Variants in SCGB2B2 observed in about 807,000 individuals in gnomAD.
SCGB2B2 encodes the protein secretoglobin family 2B member 2.
In SCGB2B2, 11 loss-of-function variants were observed where a neutral mutation model predicts 7.6. That is an observed-to-expected ratio of 1.45 (90% CI 0.91 to 2.40). The LOEUF is 2.40. Ranked by LOEUF, SCGB2B2 falls within the 30% of genes most tolerant of loss-of-function variation. The pLI is 0.00. For synonymous variants in SCGB2B2, 50 were observed against 48.6 expected (o/e 1.03, Z -0.12); for missense variants, 104 against 115.4 (o/e 0.90, Z 0.45).
chr19:34,673,234 T>C (rs2067844731), intron 1 of SCGB2B2, among the ~76,000 whole-genome samples: 1 of 152,206 alleles, frequency 6.6e-6, no homozygotes, highest in Non-Finnish European at 1.5e-5. Flanking sequence ...TATTGCTCTC[T>C]CTCTCTGCTT....
rs186965943 is a variant in SCGB2B2, at chr19:34,595,112, T to A, written c.-549A>T. ...AGTAAAACACAGAACCTAAAGGACA[T>A]GAGATGTAGCAAGTGTGTTAGGGAC... is the stretch of plus-strand genomic sequence containing the variant. On this transcript the variant is annotated 5_prime_UTR_variant, in exon 2 of 4. An upstream start codon of the reference 5' UTR is lost. Coordinates refer to ENST00000601241, the MANE Select transcript of SCGB2B2 (RefSeq NM_001025591.4). 7 of 158,874 alleles carry A rather than the reference T, an allele frequency of 4.4e-5. No individual in the cohort carries two copies. Among genetic ancestry groups the A allele is most frequent in the Admixed American group, 4.3e-4 (7 of 16,424 alleles). The allele number at this position is 158,874 out of a possible 1,614,324, so 9.8% of individuals were successfully genotyped here. A position where few individuals can be genotyped will look rare whatever the true frequency, so the allele number is the denominator to read the frequency against.
chr19:34,630,555 A>C (rs532257923), intron 1 of SCGB2B2, among the ~76,000 whole-genome samples: 215 of 152,026 alleles, frequency 1.4e-3, no homozygotes, highest in African/African-American at 4.8e-3. Context: ...AAATCAAAAC[A>C]ACAATGAGAT....
At chr19:34,669,808 C>T (rs1440964187) in intron 1 of SCGB2B2, among the ~76,000 whole-genome samples, 3 of 150,524 alleles carry the variant, frequency 2.0e-5, no homozygotes, top group Non-Finnish European at 3.0e-5. Flanking sequence ...GAGGCCAATG[C>T]GATGGAAAAC....
At chr19:34,650,462 T>C (rs555295844) in intron 1 of SCGB2B2, among the ~76,000 whole-genome samples, 2 of 151,150 alleles carry the variant, frequency 1.3e-5, no homozygotes, top group East Asian at 3.9e-4. Context: ...CTCATAACAG[T>C]AGAGGCTGTT....
intron 1 of SCGB2B2, chr19:34,635,855 T>TTATC (rs2066660733): frequency 6.5e-6 from 1 of 154,860 alleles, no homozygotes; most frequent in Non-Finnish European, 1.4e-5. Context: ...AGCCCTATCC[T>TTATC]TATCTCTGCT....
At chr19:34,659,529 C>A (rs149565198) in intron 1 of SCGB2B2, among the ~76,000 whole-genome samples, 1 of 152,012 alleles carries the variant, frequency 6.6e-6, no homozygotes, top group Non-Finnish European at 1.5e-5. Flanking sequence ...GAGTGAGCTC[C>A]CATTCACAAT....
In SCGB2B2 at chr19:34,595,139, CAT is replaced by C. The variant is rs111321385; in HGVS notation, c.-578_-577del. ...AGATGTAGCAAGTGTGTTAGGGACACATGTGACACAGTGAAGGGATCCTACAT... is the reference window on the plus strand; with the variant it reads ...AGATGTAGCAAGTGTGTTAGGGACACGTGACACAGTGAAGGGATCCTACAT... On this transcript the variant is annotated 5_prime_UTR_variant, in exon 2 of 4. An upstream start codon of the reference 5' UTR is lost. Transcript: ENST00000601241. 4,118 of 154,328 alleles carry C rather than the reference CAT, an allele frequency of 0.027. 158 individuals are homozygous for C. The highest frequency in any genetic ancestry group is 0.097 in the South Asian group (473 of 4,886). The allele number at this position is 154,328 out of a possible 1,614,324, so 9.6% of individuals were successfully genotyped here.
chr19:34,642,783 C>T (rs1054077716), intron 1 of SCGB2B2, among the ~76,000 whole-genome samples: 11 of 131,780 alleles, frequency 8.3e-5, no homozygotes, highest in Admixed American at 7.7e-4. Flanking sequence ...AGATGACATA[C>T]AAATGACCAA....
In SCGB2B2 at chr19:34,611,667, T is replaced by G. The variant is rs62721060; in HGVS notation, c.-2031-15073A>C. Among the ~76,000 whole-genome samples, 52 of 118,644 alleles carry G rather than the reference T, an allele frequency of 4.4e-4. 1 individual carries two copies. The highest frequency in any genetic ancestry group is 9.6e-4 in the African/African-American group (30 of 31,338). 77.8% of individuals were successfully genotyped at this position (118,644 alleles called of 152,430 possible). A position where few individuals can be genotyped will look rare whatever the true frequency, so the allele number is the denominator to read the frequency against. ...TAAAATTTACTATTTTTTTTTTTTT[T>G]GGGATGAAGTCTCGCAGTGTTGCCC... On this transcript the variant is annotated intron_variant, in intron 1 of 3. Transcript: ENST00000601241.
intron 1 of SCGB2B2, among the ~76,000 whole-genome samples, chr19:34,609,004 A>G (rs2065859415): frequency 6.6e-6 from 1 of 151,994 alleles, no homozygotes; most frequent in South Asian, 2.1e-4. Flanking sequence ...AATTTTGATA[A>G]TACCCATCCC....
intron 1 of SCGB2B2, among the ~76,000 whole-genome samples, chr19:34,617,159 G>A (rs1226108711): frequency 6.6e-6 from 1 of 152,150 alleles, no homozygotes; most frequent in African/African-American, 2.4e-5. Flanking sequence ...GATTGACTTG[G>A]CGATGTGGGC....
chr19:34,627,562 G>A (rs2066414023), intron 1 of SCGB2B2, among the ~76,000 whole-genome samples: 1 of 152,144 alleles, frequency 6.6e-6, no homozygotes, highest in South Asian at 2.1e-4. Flanking sequence ...AACAAGAAGA[G>A]CTAACTATCC....
At chr19:34,586,461 C>T (rs182990461), downstream of SCGB2B2, among the ~76,000 whole-genome samples, 11 of 152,324 alleles carry the variant, frequency 7.2e-5, no homozygotes, top group East Asian at 2.1e-3. Context: ...CTCTAGGCAA[C>T]CGCTGATCAG....
intron 1 of SCGB2B2, among the ~76,000 whole-genome samples, chr19:34,611,421 ATCTT>A (rs201543418): frequency 0.022 from 2,964 of 134,820 alleles, 45 homozygotes; most frequent in East Asian, 0.07. Context: ...TTTACTTGAA[ATCTT>A]TCTGTTTTTT....
intron 1 of SCGB2B2, among the ~76,000 whole-genome samples, chr19:34,597,973 A>C (rs1382962387): frequency 6.8e-6 from 1 of 146,116 alleles, no homozygotes; most frequent in Non-Finnish European, 1.5e-5. Flanking sequence ...GAGGGGGCAG[A>C]GGGGGCAGAG....
intron 1 of SCGB2B2, among the ~76,000 whole-genome samples, chr19:34,668,069 T>C (rs1334375913): frequency 2.0e-5 from 3 of 152,248 alleles, no homozygotes; most frequent in Non-Finnish European, 4.4e-5. Context: ...CGGCGCCTCC[T>C]CTGCCTGGGC....
intron 3 of SCGB2B2, 92 bp downstream of exon 3, chr19:34,594,083 C>T (rs369355040): frequency 1.1e-4 from 112 of 1,065,854 alleles, no homozygotes; most frequent in East Asian, 4.5e-4. Context: ...CTGCTTAAAA[C>T]GTGGAAAGCA....
At chr19:34,667,349 T>G (rs2067660095) in intron 1 of SCGB2B2, among the ~76,000 whole-genome samples, 1 of 148,802 alleles carries the variant, frequency 6.7e-6, no homozygotes, top group African/African-American at 2.5e-5. Context: ...CCAGGGTGCC[T>G]ACACGGTACT....
At chr19:34,621,674 C>T (rs922528147) in intron 1 of SCGB2B2, among the ~76,000 whole-genome samples, 2 of 152,176 alleles carry the variant, frequency 1.3e-5, no homozygotes, top group African/African-American at 4.8e-5. Flanking sequence ...TTAAGAATAT[C>T]CTTTTTCATT....
Sources: allele counts gnomAD v4.1 joint callset (sites outside exome capture counted in the v4.1 genomes callset), GRCh38; gene constraint gnomAD v4.1.1; transcripts MANE v1.5; gene names NCBI Gene and HGNC (gene_info 2026-07-23, HGNC 2026-07-21).